Variants in STK36 observed in about 807,000 individuals in gnomAD.
STK36 encodes serine/threonine-protein kinase 36.
STK36 carries 116 observed loss-of-function variants against 142.2 expected under a neutral mutation model. That is an observed-to-expected ratio of 0.82 (90% CI 0.70 to 0.95). The LOEUF is 0.95. Among genes scored for constraint, STK36 ranks in the 40% least tolerant of loss-of-function variants. The pLI is 0.00. For missense variants in STK36, 1,422 were observed against 1,617.2 expected, an observed-to-expected ratio of 0.88 and a Z score of 2.07; for synonymous variants, 619 against 641.7, an observed-to-expected ratio of 0.96 and a Z score of 0.53.
chr2:218,673,825 A>T, intron 3 of STK36, 54 bp from the exon 4 acceptor site: 1 of 1,613,948 alleles, frequency 6.2e-7, no homozygotes, highest in Non-Finnish European at 8.5e-7. Context: ...GGAATTTCCC[A>T]ACCTCAGAAT....
At chr2:218,696,845 C>T (rs1290964537) in intron 22 of STK36, 194 bp from the exon 23 acceptor site, 4 of 939,262 alleles carry the variant, frequency 4.3e-6, no homozygotes, top group East Asian at 2.4e-5. Context: ...CAGACATACA[C>T]ATGAGTTGTG....
chr2:218,673,438 A>T (rs1331284347), intron 2 of STK36, among the ~76,000 whole-genome samples, 187 bp from the exon 3 acceptor site: 1 of 152,090 alleles, frequency 6.6e-6, no homozygotes. Flanking sequence ...TCCTGGGATG[A>T]GGAATGGGGA....
intron 8 of STK36, 54 bp downstream of exon 8, chr2:218,679,783 T>C: frequency 6.2e-7 from 1 of 1,611,464 alleles, no homozygotes; most frequent in Non-Finnish European, 8.5e-7. Context: ...ACTGGGGAGT[T>C]AGAGGAGGAG....
At position 218,698,867 on chromosome 2, in the gene STK36, A is replaced by T; in HGVS notation, c.3323A>T (p.Asp1108Val). Residue 1108 changes from aspartate to valine, a missense_variant, in exon 26 of 27, where the codon GAT becomes GTT. Physicochemically the swap from Asp to Val is radical, Grantham distance 152. Around this residue, in one of 2 missense-constraint regions of STK36, gnomAD observed 962 missense variants for 1,167.5 expected, o/e 0.82. Transcript: ENST00000295709. The stretch of plus-strand genomic sequence containing the variant: ...ATCCAAGAGCTTCTGGCTGGCTCTG[A>T]TGAATCCTATCGGCCCCTGCGCAGC... ...SFIQELLAGS[D>V]ESYRPLRSLL... The T allele has an allele frequency of 1.2e-6, 2 of 1,614,130 alleles. No homozygotes were observed. Among genetic ancestry groups the T allele is most frequent in the South Asian group, 2.2e-5 (2 of 91,082 alleles).
chr2:218,691,866 G>A (rs1941013819), intron 14 of STK36, among the ~76,000 whole-genome samples: 1 of 152,068 alleles, frequency 6.6e-6, no homozygotes, highest in East Asian at 1.9e-4. Context: ...TGACCCCTAG[G>A]AATTCTTATA....
At position 218,693,976 on chromosome 2, in the gene STK36, C is replaced by G; in HGVS notation, c.2329C>G (p.Pro777Ala). Residue 777 changes from proline (P) to alanine (A), a missense_variant, in exon 19 of 27, where the codon CCT becomes GCT. Physicochemically the swap from Pro to Ala is conservative, Grantham distance 27. Coordinates refer to ENST00000295709, the MANE Select transcript of STK36 (RefSeq NM_015690.5). Reference protein sequence around the residue: ...SLLVFRLQNLPCGMEKLGSDV... With the variant: ...SLLVFRLQNLACGMEKLGSDV... Reference sequence around the variant, plus strand: ...TCTTGTCTTTCGGCTCCAAAACCTGCCTTGTGGGTAAGTCATAAAGTAGGG... The same window carrying G: ...TCTTGTCTTTCGGCTCCAAAACCTGGCTTGTGGGTAAGTCATAAAGTAGGG... 6.2e-7 allele frequency: 1 copy of G among 1,614,226 alleles called. No individual in the cohort carries two copies. Among genetic ancestry groups the G allele is most frequent in the Non-Finnish European group, 8.5e-7 (1 of 1,180,036 alleles).
Position 218,699,283 on chromosome 2 carries a change from C to A in STK36, c.3739C>A (p.Pro1247Thr), listed in dbSNP as rs751010203. ...LLEMACGDPQ[P>T]NVKEAALIAL... ...AGAAATGGCATGTGGAGACCCCCAG[C>A]CAAATGTGAAGGAGGCTGCCCTCAT... Residue 1247 changes from proline (P) to threonine (T), a missense_variant, in exon 26 of 27, where the codon CCA (proline) becomes ACA (threonine). Physicochemically the swap from Pro to Thr is conservative, Grantham distance 38. Coordinates refer to ENST00000295709, the MANE Select transcript of STK36 (RefSeq NM_015690.5). 1 of 1,614,080 alleles carries A rather than the reference C, an allele frequency of 6.2e-7. No individual in the cohort carries two copies. Among genetic ancestry groups the A allele is most frequent in the Non-Finnish European group, 8.5e-7 (1 of 1,180,026 alleles).
In STK36 at chr2:218,680,044, C is replaced by A; in HGVS notation, c.1100C>A (p.Ala367Asp). 6.2e-7 allele frequency: 1 copy of A among 1,614,128 alleles called. No individual in the cohort carries two copies. The highest frequency in any genetic ancestry group is 8.5e-7 in the Non-Finnish European group (1 of 1,180,012). Residue 367 changes from alanine (A) to aspartate (D), a missense_variant, in exon 9 of 27, where the codon GCT (alanine) becomes GAT (aspartate). Physicochemically the swap from Ala to Asp is moderately radical, Grantham distance 126 (BLOSUM62 -2). Transcript: ENST00000295709. ...ILASELKSSW[A>D]KSGTGEVPSA... ...GCCTCAGAATTGAAGAGCAGCTGGGCTAAATCAGGGACTGGAGAGGTGCCC... is the reference window on the plus strand; with the variant it reads ...GCCTCAGAATTGAAGAGCAGCTGGGATAAATCAGGGACTGGAGAGGTGCCC...
chr2:218,677,382 A>G (rs1940304797), intron 6 of STK36, among the ~76,000 whole-genome samples: 1 of 152,198 alleles, frequency 6.6e-6, no homozygotes, highest in Admixed American at 6.5e-5. Flanking sequence ...TGAGATTTGG[A>G]CGGGGACACA....
chr2:218,696,896 C>G, intron 22 of STK36, 143 bp from the exon 23 acceptor site: 3 of 1,223,332 alleles, frequency 2.5e-6, no homozygotes, highest in Non-Finnish European at 3.6e-6. Context: ...TGAAATAAGA[C>G]GACAGGGAAA....
intron 25 of STK36, 40 bp from the exon 26 acceptor site, chr2:218,698,562 T>C: frequency 6.3e-7 from 1 of 1,586,662 alleles, no homozygotes; most frequent in Non-Finnish European, 8.6e-7. Context: ...CTGCATATAC[T>C]CTCTCTCTCC....
intron 21 of STK36, among the ~76,000 whole-genome samples, chr2:218,695,525 G>A (rs1941198019): frequency 8.7e-6 from 1 of 114,726 alleles, no homozygotes; most frequent in Non-Finnish European, 1.6e-5. Flanking sequence ...ACCATGTCCA[G>A]TCTTTTTTTT....
intron 10 of STK36, among the ~76,000 whole-genome samples, chr2:218,684,414 C>CTTTTTTTTTTTT (rs779556469): frequency 4.1e-5 from 2 of 49,326 alleles, no homozygotes; most frequent in African/African-American, 8.4e-5. Context: ...TGCGCCTGGC[C>CTTTTTTTTTTTT]TTTTTTTTTT....
At position 218,686,056 on chromosome 2, in the gene STK36, A is replaced by G. The variant is rs183680005; in HGVS notation, c.1380+828A>G. On this transcript the variant is annotated intron_variant, in intron 11 of 26. Coordinates refer to ENST00000295709, the MANE Select transcript of STK36 (RefSeq NM_015690.5). ...GCAGGTTTAAGCAATTCTCTGCCTC[A>G]GCCTCTGGAGTGACTGGGATTACAG... 1.2e-3 allele frequency among the ~76,000 whole-genome samples: 188 copies of G among 151,778 alleles called. 2 individuals carry two copies. The East Asian group carries it at 0.022, about 18-fold the overall frequency.
Position 218,693,916 on chromosome 2 carries a change from G to C in STK36, c.2269G>C (p.Glu757Gln). ...GTAGGTAAAAGTAGTAGATTGGGAA[G>C]AGTCTACTGAAGTGACACTCTACTT... ...QGKVKVVDWE[E>Q]STEVTLYFLS... is the part of the protein sequence containing the mutation. The change falls in exon 19 of 27, where the codon GAG (glutamate) becomes CAG (glutamine). Residue 757 changes from glutamate (E) to glutamine (Q), a missense_variant. Physicochemically the swap from Glu to Gln is conservative, Grantham distance 29 (BLOSUM62 2). This residue lies in a region of STK36 where 962 missense variants were observed against 1,167.5 expected (regional missense o/e 0.82). Coordinates refer to ENST00000295709, the MANE Select transcript of STK36 (RefSeq NM_015690.5). 1 of 1,614,248 alleles carries C rather than the reference G, an allele frequency of 6.2e-7. No individual in the cohort carries two copies. Among genetic ancestry groups the C allele is most frequent in the Non-Finnish European group, 8.5e-7 (1 of 1,180,028 alleles).
At position 218,685,088 on chromosome 2, in the gene STK36, CCAGA is replaced by C; in HGVS notation, c.1244_1247del (p.Asp415ValfsTer9). On this transcript the variant is annotated frameshift_variant, in exon 11 of 27. Coordinates refer to ENST00000295709, the MANE Select transcript of STK36 (RefSeq NM_015690.5). LOFTEE classifies it high-confidence loss of function. ...CTTTCACTCCCCTCTGCCTCAGGAG[CCAGA>C]CAGTGACAATGAGTGGCAGCACCTG... 1 of 1,614,104 alleles carries C rather than the reference CCAGA, an allele frequency of 6.2e-7. No homozygotes were observed. Among genetic ancestry groups the C allele is most frequent in the Non-Finnish European group, 8.5e-7 (1 of 1,179,984 alleles).
At chr2:218,692,935 A>G (rs745691178) in intron 16 of STK36, among the ~76,000 whole-genome samples, 1 of 152,210 alleles carries the variant, frequency 6.6e-6, no homozygotes, top group Non-Finnish European at 1.5e-5. Flanking sequence ...AACTGCCCAG[A>G]TGGTGGGGCA....
In STK36 at chr2:218,694,253, C is replaced by G. The variant is rs757079425; in HGVS notation, c.2337-11C>G. On this transcript the variant is annotated splice_polypyrimidine_tract_variant and intron_variant, in intron 19 of 26. Transcript: ENST00000295709. This position sits in a 1 kb window ranked among gnomAD's most constrained non-coding sequence, Gnocchi z 4.4. ...TACTGCTGCATCCCTTGATGTATCTCTTTATTCCAGAATGGAGAAGCTAGG... is the reference window on the plus strand; with the variant it reads ...TACTGCTGCATCCCTTGATGTATCTGTTTATTCCAGAATGGAGAAGCTAGG... 1 of 1,612,252 alleles carries G rather than the reference C, an allele frequency of 6.2e-7. No individual in the cohort carries two copies. Among genetic ancestry groups the G allele is most frequent in the Non-Finnish European group, 8.5e-7 (1 of 1,178,288 alleles).
intron 22 of STK36, 79 bp downstream of exon 22, chr2:218,696,680 T>C: frequency 1.4e-6 from 2 of 1,436,522 alleles, no homozygotes; most frequent in Non-Finnish European, 2.0e-6. Flanking sequence ...ACCAGAGGAA[T>C]GAAGAAGCAA....
Sources: gnomAD v4.1 joint callset for allele counts (sites outside exome capture counted in the v4.1 genomes callset) on GRCh38, gnomAD v4.1.1 for gene constraint, gnomAD v4.1.1 regional missense constraint, Gnocchi (gnomAD v3.1) non-coding constraint, MANE v1.5 for transcripts, NCBI Gene and HGNC (gene_info 2026-07-23, HGNC 2026-07-21) for gene names.